GRIK3: variants seen among roughly 807,000 people sequenced by gnomAD.
GRIK3 encodes glutamate receptor ionotropic, kainate 3.
A neutral mutation model predicts 102.5 loss-of-function variants in GRIK3; 29 were observed. That is an observed-to-expected ratio of 0.28 (90% CI 0.21 to 0.39). GRIK3 has a LOEUF of 0.39. Among genes scored for constraint, GRIK3 ranks in the 10% least tolerant of loss-of-function variants. The probability of loss-of-function intolerance (pLI) is 1.00; values close to 1 mark genes in which losing one functional copy is unlikely to be tolerated. For synonymous variants in GRIK3, 511 were observed against 504.9 expected, an observed-to-expected ratio of 1.01 and a Z score of -0.16; for missense variants, 908 against 1,252.4, an observed-to-expected ratio of 0.73 and a Z score of 4.15.
chr1:36,963,401 C>T (rs982438407), intron 1 of GRIK3, among the ~76,000 whole-genome samples: 3 of 152,316 alleles, frequency 2.0e-5, no homozygotes, highest in African/African-American at 7.2e-5. Context: ...CCAGTGATTT[C>T]CTGCATGCCT....
In GRIK3 at chr1:36,801,768, G is replaced by T; in HGVS notation, c.*83C>A. On this transcript the variant is annotated 3_prime_UTR_variant, in exon 16 of 16. Coordinates refer to ENST00000373091, the MANE Select transcript of GRIK3 (RefSeq NM_000831.4). ...GGCAGCTCTGGTCCCCAAGCCCAGTGCGGGGACAGGGGACGTTCCTTCCAA... is the reference window on the plus strand; with the variant it reads ...GGCAGCTCTGGTCCCCAAGCCCAGTTCGGGGACAGGGGACGTTCCTTCCAA... 1 of 1,226,696 alleles carries T rather than the reference G, an allele frequency of 8.2e-7. No homozygotes were observed. The highest frequency in any genetic ancestry group is 1.1e-6 in the Non-Finnish European group (1 of 894,420). 76.0% of individuals were successfully genotyped at this position (1,226,696 alleles called of 1,614,324 possible).
At chr1:37,025,363 C>T (rs1374243093) in intron 1 of GRIK3, among the ~76,000 whole-genome samples, 2 of 152,164 alleles carry the variant, frequency 1.3e-5, no homozygotes, top group Admixed American at 1.3e-4. Context: ...CAGGCCTCAC[C>T]CCACACCCAC....
rs9633316 is a variant in GRIK3, at chr1:36,799,305, G to C, written c.*2546C>G. 1 of 152,292 alleles carries C rather than the reference G, an allele frequency of 6.6e-6. No homozygotes were observed. The highest frequency in any genetic ancestry group is 1.9e-4 in the East Asian group (1 of 5,172). 9.4% of individuals were successfully genotyped at this position (152,292 alleles called of 1,614,324 possible). A position where few individuals can be genotyped will look rare whatever the true frequency, so the allele number is the denominator to read the frequency against. ...ATGACAGAAGTGCAAACAGACCCTG[G>C]TGCCCGGCCTTCCTGATTGTCTGTC... On this transcript the variant is annotated 3_prime_UTR_variant, in exon 16 of 16. Transcript: ENST00000373091.
intron 1 of GRIK3, among the ~76,000 whole-genome samples, chr1:36,943,700 T>G (rs1641751504): frequency 6.6e-6 from 1 of 152,268 alleles, no homozygotes; most frequent in Admixed American, 6.5e-5. Context: ...GCAGAATTAA[T>G]GATAGCCAGC....
At chr1:36,907,526 A>G (rs915058995) in intron 1 of GRIK3, among the ~76,000 whole-genome samples, 15 of 152,150 alleles carry the variant, frequency 9.9e-5, no homozygotes, top group Non-Finnish European at 2.9e-5. Context: ...GAGGAAGGCG[A>G]CAGAAGATGG....
At position 36,880,419 on chromosome 1, in the gene GRIK3, G is replaced by A. The variant is rs756855917; in HGVS notation, c.550+215C>T. Among the ~76,000 whole-genome samples the A allele has an allele frequency of 3.3e-5, 5 of 152,212 alleles. No homozygotes were observed. Among genetic ancestry groups the A allele is most frequent in the Admixed American group, 2.0e-4 (3 of 15,286 alleles). Reference sequence around the variant, plus strand: ...GGAGCTGAGTGTGAGGCAGGGGTGAGGTGCGCTGGGGCTGAGTGAGATATG... The same window carrying A: ...GGAGCTGAGTGTGAGGCAGGGGTGAAGTGCGCTGGGGCTGAGTGAGATATG... On this transcript the variant is annotated intron_variant, in intron 3 of 15. Coordinates refer to ENST00000373091, the MANE Select transcript of GRIK3 (RefSeq NM_000831.4). The surrounding 1 kb of genome is among the most constrained non-coding windows in gnomAD (Gnocchi z 5.4).
chr1:36,970,223 G>A (rs1179638522), intron 1 of GRIK3, among the ~76,000 whole-genome samples: 2 of 152,148 alleles, frequency 1.3e-5, no homozygotes, highest in Non-Finnish European at 1.5e-5. Flanking sequence ...TCTCTGCTAC[G>A]AGCTGGAATG....
At chr1:36,808,543 C>T (rs1481193353) in intron 13 of GRIK3, among the ~76,000 whole-genome samples, 2 of 152,176 alleles carry the variant, frequency 1.3e-5, no homozygotes, top group African/African-American at 4.8e-5. Context: ...CAGCCTCTGG[C>T]CAGCTATCAG....
chr1:36,815,611 C>T (rs1226919407), intron 13 of GRIK3, among the ~76,000 whole-genome samples: 10 of 152,190 alleles, frequency 6.6e-5, no homozygotes, highest in Non-Finnish European at 1.5e-4. Context: ...TCTGGGAAAC[C>T]TTTGGAACAG....
At chr1:36,830,480 G>A (rs1351702950) in intron 10 of GRIK3, among the ~76,000 whole-genome samples, 2 of 152,014 alleles carry the variant, frequency 1.3e-5, no homozygotes, top group African/African-American at 2.4e-5. Flanking sequence ...AATGAGGGTG[G>A]GCCCCAAATC....
chr1:36,808,005 C>G (rs1322504397), intron 13 of GRIK3, among the ~76,000 whole-genome samples: 1 of 152,220 alleles, frequency 6.6e-6, no homozygotes, highest in Non-Finnish European at 1.5e-5. Flanking sequence ...GACTCTCTTA[C>G]CTCTGCAATC....
intron 1 of GRIK3, among the ~76,000 whole-genome samples, chr1:37,017,369 T>TAAAAAAA (rs774819790): frequency 8.2e-5 from 4 of 48,516 alleles, no homozygotes; most frequent in Non-Finnish European, 1.4e-4. Context: ...CCCTGTCTCT[T>TAAAAAAA]AAAAAAAAAA....
In GRIK3 at chr1:36,835,187, C is replaced by T. The variant is rs542237521; in HGVS notation, c.1530+6549G>A. 2.6e-5 allele frequency among the ~76,000 whole-genome samples: 4 copies of T among 152,352 alleles called. 1 individual carries two copies. The highest frequency in any genetic ancestry group is 7.2e-5 in the African/African-American group (3 of 41,584). On this transcript the variant is annotated intron_variant, in intron 10 of 15. Coordinates refer to ENST00000373091, the MANE Select transcript of GRIK3 (RefSeq NM_000831.4). ...CTGGGCTCAGACCCCTCTCAGGCAG[C>T]CTTTCAGATCCTCTGGCTCTGGCCA... is the stretch of plus-strand genomic sequence containing the variant.
Position 36,819,700 on chromosome 1 carries a change from A to C in GRIK3, c.1873+36T>G, listed in dbSNP as rs532645256. On this transcript the variant is annotated intron_variant, in intron 12 of 15. Transcript: ENST00000373091. The surrounding 1 kb of genome is among the most constrained non-coding windows in gnomAD (Gnocchi z 4.1). Reference sequence around the variant, plus strand: ...GCTGAAGACCGCTTGGGGAAAGCAGACCCTGGAAGGGGAGGCCCTGGGAGA... The same window carrying C: ...GCTGAAGACCGCTTGGGGAAAGCAGCCCCTGGAAGGGGAGGCCCTGGGAGA... 20 of 1,090,232 alleles carry C rather than the reference A, an allele frequency of 1.8e-5. No homozygotes were observed. Among genetic ancestry groups the C allele is most frequent in the Non-Finnish European group, 4.3e-6 (3 of 702,120 alleles). The allele number at this position is 1,090,232 out of a possible 1,614,324, so 67.5% of individuals were successfully genotyped here. A position where few individuals can be genotyped will look rare whatever the true frequency, so the allele number is the denominator to read the frequency against.
chr1:37,019,894 C>T (rs972507666), intron 1 of GRIK3, among the ~76,000 whole-genome samples: 1 of 152,194 alleles, frequency 6.6e-6, no homozygotes, highest in Non-Finnish European at 1.5e-5. Flanking sequence ...GCTACCATAG[C>T]TCACTTCCTC....
At position 36,976,649 on chromosome 1, in the gene GRIK3, G is replaced by A. The variant is rs148835091; in HGVS notation, c.115+57345C>T. ...CGACTGCATCTCAAGGTATGCTATTGGTTGAAGGGATGATCCGTGCTGATC... is the reference window on the plus strand; with the variant it reads ...CGACTGCATCTCAAGGTATGCTATTAGTTGAAGGGATGATCCGTGCTGATC... On this transcript the variant is annotated intron_variant, in intron 1 of 15. Transcript: ENST00000373091. Among the ~76,000 whole-genome samples the A allele has an allele frequency of 5.7e-3, 868 of 152,244 alleles. 12 individuals are homozygous for A. The highest frequency in any genetic ancestry group is 0.02 in the African/African-American group (828 of 41,538).
At chr1:36,822,983 A>G (rs774322203) in intron 11 of GRIK3, among the ~76,000 whole-genome samples, 10 of 152,160 alleles carry the variant, frequency 6.6e-5, no homozygotes, top group Non-Finnish European at 1.5e-4. Context: ...GCCAGCGTGC[A>G]AGATGGACAG....
intron 1 of GRIK3, among the ~76,000 whole-genome samples, chr1:36,962,796 A>G (rs1642028561): frequency 6.7e-6 from 1 of 148,426 alleles, no homozygotes; most frequent in Non-Finnish European, 1.5e-5. Flanking sequence ...AGGCAGGAGG[A>G]TAGCTTGAAC....
chr1:36,911,918 C>T (rs1006752607), intron 1 of GRIK3, among the ~76,000 whole-genome samples: 10 of 152,102 alleles, frequency 6.6e-5, no homozygotes, highest in African/African-American at 2.4e-4. Context: ...CCCACCTCCG[C>T]GGTCAGTCAG....
Sources: gnomAD v4.1 joint callset for allele counts (sites outside exome capture counted in the v4.1 genomes callset) on GRCh38, gnomAD v4.1.1 for gene constraint, Gnocchi (gnomAD v3.1) non-coding constraint, MANE v1.5 for transcripts, NCBI Gene and HGNC (gene_info 2026-07-23, HGNC 2026-07-21) for gene names.